The following HS6ST3 variants were observed in gnomAD, a reference collection of about 807,000 sequenced individuals.
HS6ST3 encodes the protein heparan sulfate 6-O-sulfotransferase 3.
HS6ST3 carries 12 observed loss-of-function variants against 36.7 expected under a neutral mutation model. The ratio of observed to expected loss-of-function variants is 0.33; its 90% CI spans 0.21 to 0.53. The LOEUF is 0.53. Ranked by LOEUF, HS6ST3 falls within the 20% of genes least tolerant of loss-of-function variation. The pLI, the probability that HS6ST3 is intolerant of heterozygous loss-of-function variation, is 0.95. For synonymous variants in HS6ST3, 240 were observed against 257.5 expected (o/e 0.93, Z 0.65); for missense variants, 584 against 640.9 (o/e 0.91, Z 0.96).
intron 1 of HS6ST3, among the ~76,000 whole-genome samples, chr13:96,634,357 C>T (rs369253324): frequency 2.2e-4 from 34 of 152,260 alleles, no homozygotes; most frequent in African/African-American, 7.7e-4. Flanking sequence ...AAGCTCACAT[C>T]GGAATGGCTT....
At chr13:96,205,212 A>G (rs1234688424) in intron 1 of HS6ST3, among the ~76,000 whole-genome samples, 1 of 152,204 alleles carries the variant, frequency 6.6e-6, no homozygotes, top group Non-Finnish European at 1.5e-5. Context: ...TACACACATA[A>G]ACTAGAAAAT....
Position 96,091,139 on chromosome 13 carries a change from G to T in HS6ST3, c.277G>T (p.Glu93Ter). 2.0e-6 allele frequency: 3 copies of T among 1,501,742 alleles called. No individual in the cohort carries two copies. The highest frequency in any genetic ancestry group is 2.7e-6 in the Non-Finnish European group (3 of 1,125,762). The allele number at this position is 1,501,742 out of a possible 1,614,324, so 93.0% of individuals were successfully genotyped here. A position where few individuals can be genotyped will look rare whatever the true frequency, so the allele number is the denominator to read the frequency against. The change falls in exon 1 of 2, where the codon GAG (glutamate) becomes TAG (stop). Residue 93 changes from glutamate to a stop codon, truncating the protein, a stop_gained. Coordinates refer to ENST00000376705, the MANE Select transcript of HS6ST3 (RefSeq NM_153456.4). LOFTEE classifies it high-confidence loss of function. ...RGAAAPEEED[E>*]EPGDPREGEE... ...GGCCGCGGCGCCGGAGGAGGAGGAC[G>T]AGGAGCCCGGAGACCCCCGGGAGGG...
At chr13:96,316,298 T>C (rs2054969738) in intron 1 of HS6ST3, among the ~76,000 whole-genome samples, 1 of 138,776 alleles carries the variant, frequency 7.2e-6, no homozygotes, top group Non-Finnish European at 1.6e-5. Flanking sequence ...TGTGTGTGTG[T>C]GTATGTGTAC....
intron 1 of HS6ST3, among the ~76,000 whole-genome samples, chr13:96,548,637 G>A (rs1339267118): frequency 1.3e-5 from 2 of 152,128 alleles, no homozygotes; most frequent in Non-Finnish European, 2.9e-5. Context: ...TCTATCATCT[G>A]TCATCAAATA....
chr13:96,243,993 TAAAC>T lies in HS6ST3; in HGVS notation c.707+152429_707+152432del, dbSNP rs539324899. On this transcript the variant is annotated intron_variant, in intron 1 of 1. Coordinates refer to ENST00000376705, the MANE Select transcript of HS6ST3 (RefSeq NM_153456.4). ...ATGCTGGGAGCAGTGGACTTCAAGATAAACAAACTAAAAAAGGCCCCCCCGAGAA... is the reference window on the plus strand; with the variant it reads ...ATGCTGGGAGCAGTGGACTTCAAGATAAACTAAAAAAGGCCCCCCCGAGAA... Among the ~76,000 whole-genome samples the T allele has an allele frequency of 3.3e-3, 498 of 151,954 alleles. 4 individuals carry two copies. The highest frequency in any genetic ancestry group is 5.8e-3 in the Non-Finnish European group (396 of 67,922).
intron 1 of HS6ST3, among the ~76,000 whole-genome samples, chr13:96,354,359 G>A (rs2055199350): frequency 6.6e-6 from 1 of 152,084 alleles, no homozygotes; most frequent in Non-Finnish European, 1.5e-5. Context: ...TTTCTGCAAG[G>A]AAACTCAGAT....
chr13:96,733,251 T>C lies in HS6ST3; in HGVS notation c.708-99239T>C, dbSNP rs921311190. ...GCTTTCAAGTTTTCCCCATTGAGTA[T>C]GATGTTAGTCATGGTTTGTCATCTA... On this transcript the variant is annotated intron_variant, in intron 1 of 1. Transcript: ENST00000376705. Among the ~76,000 whole-genome samples the C allele has an allele frequency of 3.2e-4, 48 of 152,220 alleles. 1 individual carries two copies. The highest frequency in any genetic ancestry group is 1.2e-4 in the Non-Finnish European group (8 of 68,036).
At chr13:96,165,320 A>G (rs2054155304) in intron 1 of HS6ST3, among the ~76,000 whole-genome samples, 1 of 152,088 alleles carries the variant, frequency 6.6e-6, no homozygotes, top group African/African-American at 2.4e-5. Context: ...TAGAAGCCCC[A>G]TGGCTTCCCC....
intron 1 of HS6ST3, among the ~76,000 whole-genome samples, chr13:96,382,265 C>T (rs1478354233): frequency 6.6e-6 from 1 of 152,156 alleles, no homozygotes; most frequent in Non-Finnish European, 1.5e-5. Flanking sequence ...ACCTTCGTTT[C>T]AGGTCTTATA....
chr13:96,232,610 C>T (rs545251457), intron 1 of HS6ST3, among the ~76,000 whole-genome samples: 1 of 152,084 alleles, frequency 6.6e-6, no homozygotes, highest in African/African-American at 2.4e-5. Flanking sequence ...ATGGGAGTGT[C>T]AGGGGGACAG....
In HS6ST3 at chr13:96,282,276, AG is replaced by A. The variant is rs1444774832; in HGVS notation, c.707+190709del. Among the ~76,000 whole-genome samples, 8 of 152,314 alleles carry A rather than the reference AG, an allele frequency of 5.3e-5. No individual in the cohort carries two copies. The South Asian group carries it at 1.5e-3, about 28-fold the overall frequency. ...ATGAAAGAGAGAGAAGTCAGTAGCC[AG>A]GAAGTCTGGTCAAAGTCAGTGGCTG... On this transcript the variant is annotated intron_variant, in intron 1 of 1. Transcript: ENST00000376705.
Position 96,090,988 on chromosome 13 carries a change from C to A in HS6ST3, c.126C>A (p.Arg42=). ...GCACCAACTTCGGGGAGCAGCCCCG[C>A]GCGGGGGAGGCCGGCCCGCCCGCCG... ...SSCTNFGEQP[R]AGEAGPPAVP... Residue 42 remains arginine, a synonymous_variant, in exon 1 of 2, where the codon CGC becomes CGA. Coordinates refer to ENST00000376705, the MANE Select transcript of HS6ST3 (RefSeq NM_153456.4). 7.4e-7 allele frequency: 1 copy of A among 1,348,398 alleles called. No homozygotes were observed. Among genetic ancestry groups the A allele is most frequent in the Non-Finnish European group, 9.6e-7 (1 of 1,041,356 alleles). 83.5% of individuals were successfully genotyped at this position (1,348,398 alleles called of 1,614,324 possible).
At chr13:96,799,996 A>ATGTG (rs201980136) in intron 1 of HS6ST3, among the ~76,000 whole-genome samples, 6 of 77,200 alleles carry the variant, frequency 7.8e-5, no homozygotes, top group African/African-American at 5.3e-4. Flanking sequence ...ATATATATAT[A>ATGTG]TGTATATATA....
chr13:96,292,370 A>AATTT (rs2054834361), intron 1 of HS6ST3, among the ~76,000 whole-genome samples: 1 of 151,966 alleles, frequency 6.6e-6, no homozygotes, highest in Non-Finnish European at 1.5e-5. Context: ...TTGTATTTTA[A>AATTT]ATTTTATTTC....
At chr13:96,154,205 G>A (rs2054100033) in intron 1 of HS6ST3, among the ~76,000 whole-genome samples, 1 of 151,938 alleles carries the variant, frequency 6.6e-6, no homozygotes, top group South Asian at 2.1e-4. Context: ...TTTTAGAGTG[G>A]CAGACTCATC....
At chr13:96,180,999 T>G (rs1340908191) in intron 1 of HS6ST3, among the ~76,000 whole-genome samples, 1 of 152,204 alleles carries the variant, frequency 6.6e-6, no homozygotes, top group Non-Finnish European at 1.5e-5. Context: ...TACTTAATTT[T>G]TATAAAATAA....
At chr13:96,488,967 A>C (rs1203405038) in intron 1 of HS6ST3, among the ~76,000 whole-genome samples, 1 of 152,032 alleles carries the variant, frequency 6.6e-6, no homozygotes, top group Non-Finnish European at 1.5e-5. Flanking sequence ...GATAGGTTTA[A>C]TACAGTGTGT....
intron 1 of HS6ST3, among the ~76,000 whole-genome samples, chr13:96,556,983 C>G (rs2056243456): frequency 6.6e-6 from 1 of 152,150 alleles, no homozygotes. Flanking sequence ...AGAGATGGCC[C>G]TCTATCTGAT....
intron 1 of HS6ST3, among the ~76,000 whole-genome samples, chr13:96,550,481 T>G (rs1344283013): frequency 6.6e-6 from 1 of 152,152 alleles, no homozygotes; most frequent in Non-Finnish European, 1.5e-5. Context: ...TCTTAGGCAT[T>G]CCTTTATAGT....
Sources: allele counts gnomAD v4.1 joint callset (sites outside exome capture counted in the v4.1 genomes callset), GRCh38; gene constraint gnomAD v4.1.1; transcripts MANE v1.5; gene names NCBI Gene and HGNC (gene_info 2026-07-23, HGNC 2026-07-21).